The following RFK variants were observed in gnomAD, a reference collection of about 807,000 sequenced individuals.
RFK encodes the protein 0610038L10Rik.
In RFK, 4 loss-of-function variants were observed where a neutral mutation model predicts 17.6. That is an observed-to-expected ratio of 0.23 (90% CI 0.11 to 0.52). RFK has a LOEUF of 0.52. Ranked by LOEUF, RFK falls within the 20% of genes least tolerant of loss-of-function variation. The probability of loss-of-function intolerance (pLI) is 0.96; values close to 1 mark genes in which losing one functional copy is unlikely to be tolerated. For synonymous variants in RFK, 59 were observed against 63.8 expected (o/e 0.92, Z 0.36); for missense variants, 189 against 187.7 (o/e 1.01, Z -0.04).
In RFK at chr9:76,392,479, A is replaced by G; in HGVS notation, c.173T>C (p.Val58Ala). The G allele has an allele frequency of 6.2e-7, 1 of 1,614,180 alleles. No homozygotes were observed. The highest frequency in any genetic ancestry group is 8.5e-7 in the Non-Finnish European group (1 of 1,180,004). The change falls in exon 2 of 4, where the codon GTC (valine) becomes GCC (alanine). Residue 58 changes from valine to alanine, a missense_variant. Val to Ala is a moderately conservative substitution (Grantham distance 64, BLOSUM62 0). Around this residue, in one of 3 missense-constraint regions of RFK, gnomAD observed 90 missense variants for 75.4 expected, o/e 1.19. Coordinates refer to ENST00000376736, the MANE Select transcript of RFK (RefSeq NM_018339.6). ...YGWASVGSGD[V>A]HKMVVSIGWN... Reference sequence around the variant, plus strand: ...TCCTATGCTCACCACCATCTTATGGACATCTCCACTTCCAACACTGGCCCA... The same window carrying G: ...TCCTATGCTCACCACCATCTTATGGGCATCTCCACTTCCAACACTGGCCCA...
chr9:76,394,124 GA>G lies in RFK; in HGVS notation c.47del (p.Phe16SerfsTer20). On this transcript the variant is annotated frameshift_variant, in exon 1 of 4. Transcript: ENST00000376736. LOFTEE classifies it high-confidence loss of function. ...YFCRGQVVRG[F>X]GRGSKQLGIP... ...TGCCCAGCTGCTTGGAGCCGCGGCC[GA>G]AGCCCCGCACCACTTGACCCCGGCA... The G allele has an allele frequency of 1.9e-6, 3 of 1,609,550 alleles. No homozygotes were observed. The highest frequency in any genetic ancestry group is 2.5e-6 in the Non-Finnish European group (3 of 1,178,838).
At chr9:76,390,474 T>G (rs2501923) in intron 2 of RFK, among the ~76,000 whole-genome samples, 89,337 of 151,856 alleles carry the variant, frequency 0.59, 27,312 homozygotes, top group Non-Finnish European at 0.66. Context: ...GACCAGTCTG[T>G]GTAACATGCT....
chr9:76,387,803 C>T (rs1822759138), intron 3 of RFK: 1 of 275,834 alleles, frequency 3.6e-6, no homozygotes, highest in Non-Finnish European at 7.0e-6. Context: ...AGTTCGAGAC[C>T]AGCCTGGCCA....
chr9:76,394,397 T>G lies in RFK; in HGVS notation c.-226A>C, dbSNP rs1010049415. The G allele has an allele frequency of 4.1e-5, 18 of 435,788 alleles. No homozygotes were observed. Among genetic ancestry groups the G allele is most frequent in the Middle Eastern group, 6.3e-4 (1 of 1,598 alleles). The allele number at this position is 435,788 out of a possible 1,614,324, so 27.0% of individuals were successfully genotyped here. A position where few individuals can be genotyped will look rare whatever the true frequency, so the allele number is the denominator to read the frequency against. On this transcript the variant is annotated 5_prime_UTR_variant, in exon 1 of 4. Coordinates refer to ENST00000376736, the MANE Select transcript of RFK (RefSeq NM_018339.6). ...GGCGCCTGAGGAGCTGCGTCTCCGC[T>G]GGAGGGCAGCGGAGACAGCCGAAGT...
chr9:76,394,160 C>G lies in RFK; in HGVS notation c.12G>C (p.Leu4=). Residue 4 remains leucine, a synonymous_variant, in exon 1 of 4, where the codon CTG becomes CTC. Transcript: ENST00000376736. MRH[L]PYFCRGQVVR... is the part of the protein sequence containing the mutation. ...CCACTTGACCCCGGCAGAAGTAAGG[C>G]AGGTGCCTCATAATGCAGTCCGCTC... The G allele has an allele frequency of 1.2e-6, 2 of 1,605,958 alleles. No homozygotes were observed. The highest frequency in any genetic ancestry group is 1.7e-6 in the Non-Finnish European group (2 of 1,177,296).
chr9:76,393,740 G>A (rs898081456), intron 1 of RFK: 5 of 337,236 alleles, frequency 1.5e-5, no homozygotes, highest in South Asian at 6.8e-5. Flanking sequence ...GAGTTCAGCC[G>A]TTCTGGCCCA....
intron 2 of RFK, among the ~76,000 whole-genome samples, chr9:76,390,349 T>C (rs1364738858): frequency 2.0e-5 from 3 of 152,026 alleles, no homozygotes; most frequent in Admixed American, 6.5e-5. Context: ...AAAAAAAATA[T>C]TGAACTGGAT....
Position 76,387,191 on chromosome 9 carries a change from T to C in RFK, c.*208A>G. On this transcript the variant is annotated 3_prime_UTR_variant, in exon 4 of 4. Transcript: ENST00000376736. Reference sequence around the variant, plus strand: ...TAATCAATATATATTTTTTAAATCTTATTTTTAACTCAATCTTTTTAGTGC... The same window carrying C: ...TAATCAATATATATTTTTTAAATCTCATTTTTAACTCAATCTTTTTAGTGC... 1 of 428,128 alleles carries C rather than the reference T, an allele frequency of 2.3e-6. No individual in the cohort carries two copies. The highest frequency in any genetic ancestry group is 4.2e-5 in the South Asian group (1 of 23,688). The allele number at this position is 428,128 out of a possible 1,614,324, so 26.5% of individuals were successfully genotyped here. A position where few individuals can be genotyped will look rare whatever the true frequency, so the allele number is the denominator to read the frequency against.
intron 2 of RFK, 56 bp from the exon 3 acceptor site, chr9:76,388,712 GA>G: frequency 1.1e-6 from 1 of 935,108 alleles, no homozygotes; most frequent in Middle Eastern, 2.2e-4. Flanking sequence ...ACTGAAATCT[GA>G]AATACATCTT....
At chr9:76,391,228 C>G (rs1822816209) in intron 2 of RFK, among the ~76,000 whole-genome samples, 1 of 152,230 alleles carries the variant, frequency 6.6e-6, no homozygotes, top group Non-Finnish European at 1.5e-5. Context: ...CAGCATTTAG[C>G]TCTGTAGTTT....
Position 76,394,295 on chromosome 9 carries a change from G to T in RFK, c.-124C>A. The T allele has an allele frequency of 1.1e-6, 1 of 911,666 alleles. No homozygotes were observed. Among genetic ancestry groups the T allele is most frequent in the Non-Finnish European group, 1.6e-6 (1 of 636,484 alleles). 56.5% of individuals were successfully genotyped at this position (911,666 alleles called of 1,614,324 possible). A position where few individuals can be genotyped will look rare whatever the true frequency, so the allele number is the denominator to read the frequency against. On this transcript the variant is annotated 5_prime_UTR_variant, in exon 1 of 4. Coordinates refer to ENST00000376736, the MANE Select transcript of RFK (RefSeq NM_018339.6). ...GAGCGTGAGCTCTGCCTGCCGCGGG[G>T]GCGCACCAGTGGCCGGACGACGCCG...
intron 2 of RFK, among the ~76,000 whole-genome samples, chr9:76,391,215 C>G (rs1053525365): frequency 6.6e-6 from 1 of 152,204 alleles, no homozygotes; most frequent in African/African-American, 2.4e-5. Flanking sequence ...CTATTGCTTA[C>G]GCCAGCATTT....
At chr9:76,387,560 T>C in intron 3 of RFK, 31 bp from the exon 4 acceptor site, 2 of 1,583,596 alleles carry the variant, frequency 1.3e-6, no homozygotes, top group South Asian at 1.1e-5. Context: ...GTAAAAATGA[T>C]GAAAAACCAT....
Position 76,387,180 on chromosome 9 carries a change from T to C in RFK, c.*219A>G. 1 of 413,568 alleles carries C rather than the reference T, an allele frequency of 2.4e-6. No individual in the cohort carries two copies. Among genetic ancestry groups the C allele is most frequent in the Non-Finnish European group, 4.4e-6 (1 of 229,774 alleles). 25.6% of individuals were successfully genotyped at this position (413,568 alleles called of 1,614,324 possible). ...GTGGTACATTTTAATCAATATATAT[T>C]TTTTAAATCTTATTTTTAACTCAAT... On this transcript the variant is annotated 3_prime_UTR_variant, in exon 4 of 4. Transcript: ENST00000376736.
In RFK at chr9:76,390,709, G is replaced by GAA. The variant is rs377310464; in HGVS notation, c.234+1707_234+1708dup. On this transcript the variant is annotated intron_variant, in intron 2 of 3. Transcript: ENST00000376736. ...ACTCTGTTCTTCAACACACCATTGA[G>GAA]AAAAAAAAAAAAAAAACCACACACA... 1.6e-3 allele frequency among the ~76,000 whole-genome samples: 186 copies of GAA among 114,732 alleles called. 1 individual carries two copies. The highest frequency in any genetic ancestry group is 0.012 in the East Asian group (48 of 4,000). The allele number at this position is 114,732 out of a possible 152,430, so 75.3% of individuals were successfully genotyped here.
intron 2 of RFK, among the ~76,000 whole-genome samples, chr9:76,389,883 T>C (rs184163077): frequency 2.2e-3 from 336 of 152,330 alleles, no homozygotes; most frequent in Non-Finnish European, 3.5e-3. Context: ...AATTCAATGC[T>C]GCCCCAATCA....
chr9:76,391,827 C>A (rs1165773304), intron 2 of RFK, among the ~76,000 whole-genome samples: 1 of 151,982 alleles, frequency 6.6e-6, no homozygotes, highest in Non-Finnish European at 1.5e-5. Context: ...TCTCTGGAGG[C>A]TGGAGGAGGA....
In RFK at chr9:76,388,654, T is replaced by C. The variant is rs1364036898; in HGVS notation, c.237A>G (p.Glu79=). The C allele has an allele frequency of 1.3e-6, 2 of 1,584,744 alleles. No individual in the cohort carries two copies. Among genetic ancestry groups the C allele is most frequent in the African/African-American group, 1.3e-5 (1 of 74,624 alleles). The change falls in exon 3 of 4, where the codon GAA becomes GAG. Residue 79 remains glutamate (E), a splice_region_variant and synonymous_variant. Transcript: ENST00000376736. The part of the protein sequence containing the change: ...PYYKNTKKSM[E]THIMHTFKED... ...CTTTGAAGGTATGCATGATATGTGT[T>C]TCCTATAGTCAAGAAATGTTACAAA... is the stretch of plus-strand genomic sequence containing the variant.
chr9:76,391,880 T>C (rs1383634272), intron 2 of RFK, among the ~76,000 whole-genome samples: 1 of 151,448 alleles, frequency 6.6e-6, no homozygotes, highest in Non-Finnish European at 1.5e-5. Flanking sequence ...TGCTACAACC[T>C]GGCCTGTGAA....
Sources: gnomAD v4.1 joint callset for allele counts (sites outside exome capture counted in the v4.1 genomes callset) on GRCh38, gnomAD v4.1.1 for gene constraint, gnomAD v4.1.1 regional missense constraint, MANE v1.5 for transcripts, NCBI Gene and HGNC (gene_info 2026-07-23, HGNC 2026-07-21) for gene names.